MAD1L1: variants seen among roughly 807,000 people sequenced by gnomAD.
MAD1L1 encodes the protein mitotic spindle assembly checkpoint protein MAD1.
MAD1L1 carries 95 observed loss-of-function variants against 96.9 expected under a neutral mutation model. That is an observed-to-expected ratio of 0.98 (90% CI 0.83 to 1.16). The LOEUF (loss-of-function observed/expected upper bound fraction) is 1.16, where lower values mean the gene tolerates loss of function less well. Among genes scored for constraint, MAD1L1 ranks in the 50% most tolerant of loss-of-function variants. The pLI is 0.00. For synonymous variants in MAD1L1, 473 were observed against 396.6 expected (o/e 1.19, Z -2.29); for missense variants, 1,007 against 954.4 (o/e 1.06, Z -0.73).
At chr7:1,926,689 T>C (rs907594386) in intron 17 of MAD1L1, among the ~76,000 whole-genome samples, 7 of 152,218 alleles carry the variant, frequency 4.6e-5, no homozygotes, top group Non-Finnish European at 7.3e-5. Context: ...ACATCCTACA[T>C]GATAAACACT....
intron 18 of MAD1L1, chr7:1,848,675 TGGGG>T (rs1783777564): frequency 6.5e-6 from 1 of 154,416 alleles, no homozygotes; most frequent in Non-Finnish European, 1.5e-5. Context: ...TCCTGGCAGA[TGGGG>T]AAGCTGAGCT....
intron 17 of MAD1L1, among the ~76,000 whole-genome samples, chr7:1,903,956 A>G (rs369201884): frequency 0.17 from 4,125 of 24,776 alleles, 3 homozygotes; most frequent in East Asian, 0.18. Flanking sequence ...TACGGAAGAC[A>G]CTCTTGCGGA....
intron 12 of MAD1L1, among the ~76,000 whole-genome samples, chr7:2,060,719 AGGC>A (rs1021350198): frequency 6.6e-5 from 10 of 152,250 alleles, no homozygotes; most frequent in African/African-American, 2.4e-4. Flanking sequence ...CGTGGGGAGA[AGGC>A]GGCCTTGCAA....
At position 2,103,090 on chromosome 7, in the gene MAD1L1, C is replaced by G. The variant is rs775276266; in HGVS notation, c.1074-33752G>C. On this transcript the variant is annotated intron_variant, in intron 11 of 18. Coordinates refer to ENST00000265854, the MANE Select transcript of MAD1L1 (RefSeq NM_001013836.2). The surrounding 1 kb of genome is among the most constrained non-coding windows in gnomAD (Gnocchi z 4.3). ...GGCCACGCTGCCTGCCTGCTGGAGACGCGCGTCCTCTCCCACCTCAGGGCC... is the reference window on the plus strand; with the variant it reads ...GGCCACGCTGCCTGCCTGCTGGAGAGGCGCGTCCTCTCCCACCTCAGGGCC... Among the ~76,000 whole-genome samples the G allele has an allele frequency of 2.0e-5, 3 of 152,128 alleles. No homozygotes were observed. The highest frequency in any genetic ancestry group is 2.9e-5 in the Non-Finnish European group (2 of 68,024).
chr7:2,002,191 C>G lies in MAD1L1; in HGVS notation c.1360-70G>C, dbSNP rs562645061. 4.3e-5 allele frequency: 62 copies of G among 1,433,614 alleles called. No homozygotes were observed. The African/African-American group carries it at 8.2e-4, about 19-fold the overall frequency. The allele number at this position is 1,433,614 out of a possible 1,614,324, so 88.8% of individuals were successfully genotyped here. A position where few individuals can be genotyped will look rare whatever the true frequency, so the allele number is the denominator to read the frequency against. On this transcript the variant is annotated intron_variant, in intron 13 of 18. Coordinates refer to ENST00000265854, the MANE Select transcript of MAD1L1 (RefSeq NM_001013836.2). ...GCCCCATTTCTAGGACTGCAGGGAA[C>G]ACAACCCCCACCACCCCGCAGCCTC... is the stretch of plus-strand genomic sequence containing the variant.
In MAD1L1 at chr7:1,972,152, C is replaced by T. The variant is rs1180900395; in HGVS notation, c.1505+8301G>A. On this transcript the variant is annotated intron_variant, in intron 15 of 18. Transcript: ENST00000265854. The stretch of plus-strand genomic sequence containing the variant: ...GATCTGTCATATGTGTGGATGTGTG[C>T]GCCCACAACTGCCATCCAGACACAG... Among the ~76,000 whole-genome samples the T allele has an allele frequency of 3.3e-5, 5 of 152,318 alleles. No individual in the cohort carries two copies. In the South Asian group the frequency reaches 8.3e-4, roughly 25 times the overall value.
At chr7:2,040,523 T>A (rs1783627829) in intron 12 of MAD1L1, among the ~76,000 whole-genome samples, 2 of 152,278 alleles carry the variant, frequency 1.3e-5, no homozygotes, top group African/African-American at 4.8e-5. Context: ...AACGCGCTCC[T>A]GTCGCCTCCA....
At chr7:1,875,576 C>T (rs529943288) in intron 18 of MAD1L1, among the ~76,000 whole-genome samples, 5 of 152,184 alleles carry the variant, frequency 3.3e-5, no homozygotes, top group Admixed American at 2.0e-4. Context: ...GTGGCCCACA[C>T]GGGCTGGGAG....
chr7:1,908,869 A>G (rs1350621523), intron 17 of MAD1L1, among the ~76,000 whole-genome samples: 1 of 151,828 alleles, frequency 6.6e-6, no homozygotes, highest in Non-Finnish European at 1.5e-5. Flanking sequence ...TGGCTCCCCC[A>G]AGTGTCTATT....
At chr7:2,047,060 T>G (rs1260046970) in intron 12 of MAD1L1, among the ~76,000 whole-genome samples, 6 of 152,202 alleles carry the variant, frequency 3.9e-5, no homozygotes, top group Admixed American at 6.5e-5. Context: ...TGGGTTGAAC[T>G]GTTTACTGCG....
At chr7:1,945,200 A>C (rs1583876462) in intron 16 of MAD1L1, among the ~76,000 whole-genome samples, 1 of 152,306 alleles carries the variant, frequency 6.6e-6, no homozygotes, top group African/African-American at 2.4e-5. Flanking sequence ...TGCCAGCGGG[A>C]CACCCCGATC....
chr7:1,874,657 A>G (rs1158133762), intron 18 of MAD1L1: 1 of 400,192 alleles, frequency 2.5e-6, no homozygotes, highest in African/African-American at 2.1e-5. Flanking sequence ...CCCAGGAGGG[A>G]AAAGCAGCTC....
intron 10 of MAD1L1, among the ~76,000 whole-genome samples, chr7:2,166,321 G>A (rs3800926): frequency 0.25 from 37,341 of 152,084 alleles, 5,569 homozygotes; most frequent in Middle Eastern, 0.32. Context: ...ATGAAGAAAT[G>A]CCGGCTTTAC....
chr7:1,848,894 G>A lies in MAD1L1; in HGVS notation c.1999-32666C>T, dbSNP rs140431977. 953 of 154,576 alleles carry A rather than the reference G, an allele frequency of 6.2e-3. 38 individuals carry two copies. Among genetic ancestry groups the A allele is most frequent in the Admixed American group, 0.057 (868 of 15,312 alleles). 9.6% of individuals were successfully genotyped at this position (154,576 alleles called of 1,614,324 possible). On this transcript the variant is annotated intron_variant, in intron 18 of 18. Coordinates refer to ENST00000265854, the MANE Select transcript of MAD1L1 (RefSeq NM_001013836.2). ...CACCAAGGTCCTTGCCCACTGGTCT[G>A]TGCCTCAATAGGACAGCCTCCTTCT...
At chr7:2,047,987 G>T (rs1014728300) in intron 12 of MAD1L1, among the ~76,000 whole-genome samples, 21 of 152,198 alleles carry the variant, frequency 1.4e-4, no homozygotes, top group Non-Finnish European at 2.2e-4. Flanking sequence ...TGTGCACACA[G>T]AACTCACACA....
intron 18 of MAD1L1, chr7:1,848,130 G>T: frequency 4.3e-6 from 1 of 231,194 alleles, no homozygotes; most frequent in Admixed American, 5.1e-5. Context: ...GTCGCTCTCA[G>T]GGCTGGGTCC....
chr7:2,188,101 G>A (rs1791546676), intron 10 of MAD1L1, among the ~76,000 whole-genome samples: 1 of 152,204 alleles, frequency 6.6e-6, no homozygotes, highest in South Asian at 2.1e-4. Context: ...TTTCAAATGA[G>A]CAATGTATGA....
chr7:1,821,396 A>G (rs911965936), intron 18 of MAD1L1, among the ~76,000 whole-genome samples: 5 of 152,178 alleles, frequency 3.3e-5, no homozygotes, highest in Non-Finnish European at 5.9e-5. Flanking sequence ...TACCAATTTT[A>G]CACAATCCTT....
intron 12 of MAD1L1, among the ~76,000 whole-genome samples, chr7:2,015,317 C>T (rs1289421483): frequency 1.3e-5 from 2 of 152,216 alleles, no homozygotes; most frequent in African/African-American, 2.4e-5. Flanking sequence ...CCCAGGATGT[C>T]GGAGGCCACA....
Sources: allele counts gnomAD v4.1 joint callset (sites outside exome capture counted in the v4.1 genomes callset), GRCh38; gene constraint gnomAD v4.1.1; non-coding constraint Gnocchi (gnomAD v3.1); transcripts MANE v1.5; gene names NCBI Gene and HGNC (gene_info 2026-07-23, HGNC 2026-07-21).